MAD1L1: variants seen among roughly 807,000 people sequenced by gnomAD.
MAD1L1 encodes the protein mitotic arrest deficient 1 like 1.
A neutral mutation model predicts 96.9 loss-of-function variants in MAD1L1; 95 were observed. That is an observed-to-expected ratio of 0.98 (90% CI 0.83 to 1.16). The LOEUF (loss-of-function observed/expected upper bound fraction) is 1.16. Ranked by LOEUF, MAD1L1 falls within the 50% of genes most tolerant of loss-of-function variation. MAD1L1 has a pLI of 0.00. For synonymous variants in MAD1L1, 473 were observed against 396.6 expected (o/e 1.19, Z -2.29); for missense variants, 1,007 against 954.4 (o/e 1.06, Z -0.73).
chr7:1,878,149 T>C (rs1785481907), intron 18 of MAD1L1, among the ~76,000 whole-genome samples: 1 of 151,994 alleles, frequency 6.6e-6, no homozygotes, highest in African/African-American at 2.4e-5. Flanking sequence ...TCTGAGTAGT[T>C]CTATATCTAT....
intron 17 of MAD1L1, among the ~76,000 whole-genome samples, chr7:1,898,608 CAAT>C: frequency 6.6e-6 from 1 of 152,240 alleles, no homozygotes; most frequent in Middle Eastern, 3.4e-3. Context: ...CTGGTGGTGG[CAAT>C]AATAAAGTTA....
At chr7:1,844,936 G>A (rs1000230071) in intron 18 of MAD1L1, among the ~76,000 whole-genome samples, 1 of 152,240 alleles carries the variant, frequency 6.6e-6, no homozygotes, top group Non-Finnish European at 1.5e-5. Flanking sequence ...CAGTGAGTGG[G>A]CACAGCCAGG....
chr7:2,106,321 C>T (rs1787096874), intron 11 of MAD1L1, among the ~76,000 whole-genome samples: 2 of 152,038 alleles, frequency 1.3e-5, no homozygotes, highest in Admixed American at 6.5e-5. Context: ...GTCACTCACA[C>T]TCCCCACTTC....
At chr7:2,000,761 G>A (rs916072244) in intron 14 of MAD1L1, among the ~76,000 whole-genome samples, 1 of 152,244 alleles carries the variant, frequency 6.6e-6, no homozygotes, top group Non-Finnish European at 1.5e-5. Flanking sequence ...TTAAGCAGCT[G>A]CTGAGTGAAC....
At chr7:1,933,940 C>T (rs1165668538) in intron 17 of MAD1L1, among the ~76,000 whole-genome samples, 2 of 152,192 alleles carry the variant, frequency 1.3e-5, no homozygotes, top group Admixed American at 6.5e-5. Context: ...CTCCACCCGC[C>T]GCCGGCTTAG....
chr7:1,866,697 AGGCAGGGGTGAAG>A (rs1784796051), intron 18 of MAD1L1, among the ~76,000 whole-genome samples: 3 of 152,184 alleles, frequency 2.0e-5, no homozygotes, highest in African/African-American at 7.2e-5. Context: ...CGTTGGGGGC[AGGCAGGGGTGAAG>A]GGCAGGGAAC....
intron 17 of MAD1L1, among the ~76,000 whole-genome samples, chr7:1,928,904 C>T (rs569643363): frequency 1.3e-5 from 2 of 152,312 alleles, no homozygotes; most frequent in East Asian, 1.9e-4. Flanking sequence ...TAGGGCACCT[C>T]ACTGAGGCCA....
chr7:1,847,063 A>C (rs1373681289), intron 18 of MAD1L1: 1 of 344,356 alleles, frequency 2.9e-6, no homozygotes, highest in Admixed American at 4.1e-5. Flanking sequence ...TGGCCCCAAG[A>C]ATGGAATACA....
At chr7:1,931,009 GCGCGTCGTGGGGTC>G (rs1379419184) in intron 17 of MAD1L1, among the ~76,000 whole-genome samples, 55 of 151,322 alleles carry the variant, frequency 3.6e-4, no homozygotes, top group African/African-American at 1.2e-3. Context: ...AGGAGCGAGG[GCGCGTCGTGGGGTC>G]CACGTCAAGG....
At chr7:2,070,920 G>A (rs1443292766) in intron 11 of MAD1L1, among the ~76,000 whole-genome samples, 1 of 152,176 alleles carries the variant, frequency 6.6e-6, no homozygotes, top group Non-Finnish European at 1.5e-5. Context: ...TTCTTGGGCA[G>A]TGGTTTGGGG....
At chr7:1,871,743 T>C (rs896978639) in intron 18 of MAD1L1, among the ~76,000 whole-genome samples, 1 of 148,586 alleles carries the variant, frequency 6.7e-6, no homozygotes, top group Non-Finnish European at 1.5e-5. Context: ...GAACCCAACA[T>C]ACGCCTGCCA....
intron 13 of MAD1L1, among the ~76,000 whole-genome samples, chr7:2,003,988 A>G (rs577140891): frequency 6.6e-6 from 1 of 152,236 alleles, no homozygotes; most frequent in African/African-American, 2.4e-5. Context: ...GACACAACGC[A>G]CTTCACCGAG....
intron 12 of MAD1L1, among the ~76,000 whole-genome samples, chr7:2,047,196 G>A (rs1783962700): frequency 6.6e-6 from 1 of 152,146 alleles, no homozygotes; most frequent in African/African-American, 2.4e-5. Context: ...CTGACCTAAG[G>A]CAAAGCAGGC....
chr7:1,862,733 A>G (rs901103378), intron 18 of MAD1L1, among the ~76,000 whole-genome samples: 1 of 152,158 alleles, frequency 6.6e-6, no homozygotes, highest in African/African-American at 2.4e-5. Context: ...CAATAGGCCC[A>G]GTGAAAAAGG....
In MAD1L1 at chr7:2,074,742, C is replaced by A. The variant is rs113058947; in HGVS notation, c.1074-5404G>T. ...GCTCAGAGAAGGGAGTGTGGAGCTG[C>A]GAGGCAACAACTCAGTAACCACAAT... On this transcript the variant is annotated intron_variant, in intron 11 of 18. Transcript: ENST00000265854. Among the ~76,000 whole-genome samples the A allele has an allele frequency of 5.9e-4, 90 of 152,314 alleles. 1 individual carries two copies. In the South Asian group the frequency reaches 0.013, roughly 22 times the overall value.
At chr7:1,938,409 A>AAAAC (rs1482398028) in intron 16 of MAD1L1, among the ~76,000 whole-genome samples, 9 of 152,208 alleles carry the variant, frequency 5.9e-5, no homozygotes, top group African/African-American at 2.2e-4. Flanking sequence ...TGCTGGCCGT[A>AAAAC]AAAGAAAAAA....
intron 10 of MAD1L1, among the ~76,000 whole-genome samples, chr7:2,167,654 C>T (rs567363430): frequency 5.9e-4 from 90 of 152,094 alleles, no homozygotes; most frequent in Middle Eastern, 3.4e-3. Flanking sequence ...CACTTGAGCC[C>T]GGGAGTTCGA....
At chr7:1,965,024 GACC>G (rs1780105009) in intron 15 of MAD1L1, among the ~76,000 whole-genome samples, 1 of 152,184 alleles carries the variant, frequency 6.6e-6, no homozygotes, top group African/African-American at 2.4e-5. Flanking sequence ...AGTGGGCCTT[GACC>G]ACCACACTTC....
At chr7:2,152,039 C>T (rs148655374) in intron 10 of MAD1L1, among the ~76,000 whole-genome samples, 3 of 152,216 alleles carry the variant, frequency 2.0e-5, no homozygotes, top group African/African-American at 4.8e-5. Context: ...CCCCTGCACG[C>T]TCCTCCTTGC....
Sources: allele counts gnomAD v4.1 joint callset (sites outside exome capture counted in the v4.1 genomes callset), GRCh38; gene constraint gnomAD v4.1.1; transcripts MANE v1.5; gene names NCBI Gene and HGNC (gene_info 2026-07-23, HGNC 2026-07-21).